CACNA2D3: variants seen among roughly 807,000 people sequenced by gnomAD.
CACNA2D3 encodes calcium voltage-gated channel auxiliary subunit alpha2delta 3.
Under a neutral mutation model 160.6 loss-of-function variants are expected in CACNA2D3, and 60 were observed. That is an observed-to-expected ratio of 0.37 (90% CI 0.30 to 0.46). The LOEUF is 0.46. Among genes scored for constraint, CACNA2D3 ranks in the 20% least tolerant of loss-of-function variants. The pLI is 1.00. For synonymous variants in CACNA2D3, 558 were observed against 492.9 expected, an observed-to-expected ratio of 1.13 and a Z score of -1.75; for missense variants, 1,205 against 1,365.0, an observed-to-expected ratio of 0.88 and a Z score of 1.85.
intron 11 of CACNA2D3, among the ~76,000 whole-genome samples, chr3:54,681,210 GTCA>G (rs1404692442): frequency 7.9e-5 from 12 of 151,598 alleles, no homozygotes; most frequent in African/African-American, 2.7e-4. Flanking sequence ...ATTATACCAT[GTCA>G]TCATGGTATA....
intron 4 of CACNA2D3, among the ~76,000 whole-genome samples, chr3:54,425,056 G>A (rs1025297811): frequency 2.6e-5 from 4 of 152,186 alleles, no homozygotes; most frequent in East Asian, 1.9e-4. Context: ...AGAGCTGGGC[G>A]CGGTGGCTCA....
chr3:54,747,378 A>G (rs1365059098), intron 11 of CACNA2D3, among the ~76,000 whole-genome samples: 1 of 152,034 alleles, frequency 6.6e-6, no homozygotes, highest in African/African-American at 2.4e-5. Flanking sequence ...GTGGCCTCCT[A>G]CTTACTACCT....
At chr3:54,871,823 G>T (rs369512741) in intron 18 of CACNA2D3, among the ~76,000 whole-genome samples, 7 of 152,148 alleles carry the variant, frequency 4.6e-5, no homozygotes, top group African/African-American at 1.4e-4. Context: ...TTGCAGACAG[G>T]CCAGCCACCC....
intron 4 of CACNA2D3, among the ~76,000 whole-genome samples, chr3:54,429,052 T>G (rs1159897221): frequency 6.6e-6 from 1 of 152,166 alleles, no homozygotes; most frequent in Admixed American, 6.5e-5. Context: ...TGGAGGAAGA[T>G]GCGATGGTTT....
At chr3:54,996,234 C>T (rs1404189250) in intron 31 of CACNA2D3, among the ~76,000 whole-genome samples, 2 of 152,248 alleles carry the variant, frequency 1.3e-5, no homozygotes, top group African/African-American at 4.8e-5. Context: ...ATCAGCTCTC[C>T]TGCTTCAAAT....
intron 2 of CACNA2D3, among the ~76,000 whole-genome samples, chr3:54,278,327 A>G (rs562698274): frequency 5.7e-4 from 87 of 152,242 alleles, no homozygotes; most frequent in Non-Finnish European, 9.3e-4. Flanking sequence ...ATCATTAAAA[A>G]GTGAGGAAAC....
intron 8 of CACNA2D3, among the ~76,000 whole-genome samples, chr3:54,577,997 A>G (rs570083740): frequency 6.6e-6 from 1 of 152,188 alleles, no homozygotes; most frequent in African/African-American, 2.4e-5. Flanking sequence ...CTGTTTGTCC[A>G]TTTCCTTACC....
chr3:54,314,132 A>G (rs1303427453), intron 2 of CACNA2D3, among the ~76,000 whole-genome samples: 1 of 152,110 alleles, frequency 6.6e-6, no homozygotes, highest in Non-Finnish European at 1.5e-5. Context: ...GTTAGGTACC[A>G]CTTATAAGTG....
intron 26 of CACNA2D3, among the ~76,000 whole-genome samples, chr3:54,897,693 A>C (rs1321423206): frequency 6.6e-6 from 1 of 152,166 alleles, no homozygotes; most frequent in Non-Finnish European, 1.5e-5. Flanking sequence ...TCCTAACTCA[A>C]TCCTAAGGGA....
At chr3:54,752,563 G>A in intron 11 of CACNA2D3, 36 bp from the exon 12 acceptor site, 1 of 1,531,106 alleles carries the variant, frequency 6.5e-7, no homozygotes, top group South Asian at 1.1e-5. Flanking sequence ...GGCGAAAAGT[G>A]AATGCCGCTC....
chr3:54,226,035 G>A (rs1366725505), intron 2 of CACNA2D3, among the ~76,000 whole-genome samples: 1 of 152,096 alleles, frequency 6.6e-6, no homozygotes, highest in African/African-American at 2.4e-5. Context: ...TACCAGCAGG[G>A]TGTAATTCTT....
chr3:54,795,569 T>G (rs1702851549), intron 13 of CACNA2D3, among the ~76,000 whole-genome samples: 1 of 152,224 alleles, frequency 6.6e-6, no homozygotes, highest in South Asian at 2.1e-4. Flanking sequence ...ATATATCACC[T>G]TGGCCCTTAA....
At chr3:54,695,149 C>T (rs1700642053) in intron 11 of CACNA2D3, among the ~76,000 whole-genome samples, 1 of 152,126 alleles carries the variant, frequency 6.6e-6, no homozygotes, top group African/African-American at 2.4e-5. Flanking sequence ...TCCTGAGTAG[C>T]TGGGATTACA....
intron 32 of CACNA2D3, among the ~76,000 whole-genome samples, chr3:55,007,160 A>G (rs758013673): frequency 3.3e-5 from 5 of 152,226 alleles, no homozygotes; most frequent in Non-Finnish European, 7.3e-5. Flanking sequence ...TTTAATTAAA[A>G]TATTCTGAAA....
At chr3:54,718,475 G>T (rs1350477975) in intron 11 of CACNA2D3, among the ~76,000 whole-genome samples, 1 of 151,714 alleles carries the variant, frequency 6.6e-6, no homozygotes, top group African/African-American at 2.4e-5. Context: ...TTTTCCCATT[G>T]GATTATAGTA....
chr3:55,000,306 C>T (rs976652279), intron 31 of CACNA2D3, among the ~76,000 whole-genome samples: 2 of 152,186 alleles, frequency 1.3e-5, no homozygotes. Flanking sequence ...GCTGCAATAT[C>T]TAGTTAAAGC....
At chr3:54,246,728 AAAAC>A (rs1267944596) in intron 2 of CACNA2D3, among the ~76,000 whole-genome samples, 1 of 152,138 alleles carries the variant, frequency 6.6e-6, no homozygotes, top group African/African-American at 2.4e-5. Context: ...CCATCTCAAA[AAAAC>A]AAAAAAAAGA....
In CACNA2D3 at chr3:54,569,944, C is replaced by A. The variant is rs564710377; in HGVS notation, c.738-10C>A. 36 of 1,613,678 alleles carry A rather than the reference C, an allele frequency of 2.2e-5. No individual in the cohort carries two copies. The highest frequency in any genetic ancestry group is 3.1e-5 in the Non-Finnish European group (36 of 1,179,750). On this transcript the variant is annotated splice_polypyrimidine_tract_variant and intron_variant, in intron 7 of 37. Transcript: ENST00000474759. ...GGATTAATTTTGACTTAATTTTTCC[C>A]TTGACCTAGGTACATCCAGGCAGCA...
chr3:54,637,362 G>A (rs935353422), intron 10 of CACNA2D3, among the ~76,000 whole-genome samples: 2 of 151,742 alleles, frequency 1.3e-5, no homozygotes, highest in Non-Finnish European at 2.9e-5. Context: ...AGAGGAGGAC[G>A]CAAAGGAGGC....
Sources: allele counts gnomAD v4.1 joint callset (sites outside exome capture counted in the v4.1 genomes callset), GRCh38; gene constraint gnomAD v4.1.1; transcripts MANE v1.5; gene names NCBI Gene and HGNC (gene_info 2026-07-23, HGNC 2026-07-21).